Variants in CSMD3 observed in about 807,000 individuals in gnomAD.
CSMD3 encodes CUB and Sushi multiple domains 3, also known as CUB and sushi domain-containing protein 3.
In CSMD3, 177 loss-of-function variants were observed where a neutral mutation model predicts 435.2. That is an observed-to-expected ratio of 0.41 (90% CI 0.36 to 0.46). CSMD3 has a LOEUF of 0.46. Ranked by LOEUF, CSMD3 falls within the 20% of genes least tolerant of loss-of-function variation. The probability of loss-of-function intolerance (pLI) is 0.34; values close to 1 mark genes in which losing one functional copy is unlikely to be tolerated. For missense variants in CSMD3, 4,265 were observed against 4,504.6 expected, an observed-to-expected ratio of 0.95 and a Z score of 1.52; for synonymous variants, 1,656 against 1,520.5, an observed-to-expected ratio of 1.09 and a Z score of -2.07.
At chr8:112,284,002 T>C (rs1050607169) in intron 58 of CSMD3, among the ~76,000 whole-genome samples, 2 of 145,288 alleles carry the variant, frequency 1.4e-5, no homozygotes, top group Admixed American at 1.4e-4. Flanking sequence ...ATATCACATG[T>C]GCCCCATTAA....
chr8:112,894,643 T>C (rs2081898045), intron 10 of CSMD3, among the ~76,000 whole-genome samples: 1 of 151,320 alleles, frequency 6.6e-6, no homozygotes, highest in Non-Finnish European at 1.5e-5. Flanking sequence ...AATTCAATAT[T>C]TTGTTGCTAT....
At chr8:112,444,468 CA>C (rs1465485918) in intron 32 of CSMD3, among the ~76,000 whole-genome samples, 1 of 152,130 alleles carries the variant, frequency 6.6e-6, no homozygotes, top group East Asian at 1.9e-4. Flanking sequence ...ATGTCTATCA[CA>C]AGGACAATAG....
chr8:112,292,649 G>A lies in CSMD3; in HGVS notation c.8676C>T (p.Asn2892=), dbSNP rs1234406489. 1.2e-6 allele frequency: 2 copies of A among 1,613,686 alleles called. No individual in the cohort carries two copies. The highest frequency in any genetic ancestry group is 1.7e-6 in the Non-Finnish European group (2 of 1,179,808). ...IYGRTSGNGF[N]FNDVVTFSCN... ...ATGAGAATGTTACCACATCATTAAA[G>A]TTGAACCCATTTCCACTTGTTCTTC... Residue 2892 remains asparagine, a synonymous_variant, in exon 55 of 71, where the codon AAC becomes AAT. Transcript: ENST00000297405.
intron 47 of CSMD3, 60 bp from the exon 48 acceptor site, chr8:112,314,677 A>G (rs1345663955): frequency 8.7e-7 from 1 of 1,147,472 alleles, no homozygotes; most frequent in Non-Finnish European, 1.3e-6. Flanking sequence ...TGAAAACTGT[A>G]TTTTAGATAC....
intron 1 of CSMD3, among the ~76,000 whole-genome samples, chr8:113,387,637 G>A (rs1160600191): frequency 6.6e-6 from 1 of 151,390 alleles, no homozygotes; most frequent in Non-Finnish European, 1.5e-5. Context: ...TCCAGAAGAA[G>A]CAGAAGAAGG....
At chr8:112,973,084 A>G (rs1242388383) in intron 7 of CSMD3, among the ~76,000 whole-genome samples, 1 of 151,950 alleles carries the variant, frequency 6.6e-6, no homozygotes, top group African/African-American at 2.4e-5. Context: ...CATGCGATGA[A>G]TTTGGAAATA....
At chr8:112,586,901 T>G (rs990513537) in intron 23 of CSMD3, among the ~76,000 whole-genome samples, 165 bp downstream of exon 23, 3 of 151,526 alleles carry the variant, frequency 2.0e-5, no homozygotes, top group Non-Finnish European at 4.4e-5. Context: ...AAAACAATAA[T>G]AGAAAATGAG....
intron 4 of CSMD3, among the ~76,000 whole-genome samples, chr8:113,119,371 A>AG (rs1564336570): frequency 6.6e-6 from 1 of 152,204 alleles, no homozygotes; most frequent in Non-Finnish European, 1.5e-5. Flanking sequence ...CCTATTTTAT[A>AG]GGAGAGAAAA....
At chr8:113,200,760 A>T (rs1448179540) in intron 3 of CSMD3, among the ~76,000 whole-genome samples, 2 of 151,408 alleles carry the variant, frequency 1.3e-5, no homozygotes, top group Non-Finnish European at 3.0e-5. Flanking sequence ...TCACAGCCTC[A>T]AACAGCCTTT....
chr8:112,735,780 T>G (rs2077173621), intron 13 of CSMD3, among the ~76,000 whole-genome samples: 2 of 152,046 alleles, frequency 1.3e-5, no homozygotes, highest in Admixed American at 6.6e-5. Context: ...TCTCACTTTA[T>G]GAAAAGATCT....
At chr8:112,734,027 T>G (rs1027920770) in intron 13 of CSMD3, among the ~76,000 whole-genome samples, 1 of 151,932 alleles carries the variant, frequency 6.6e-6, no homozygotes, top group Admixed American at 6.6e-5. Flanking sequence ...GATGGAAGAC[T>G]GCCAAATTAC....
At chr8:112,379,781 G>A (rs1168882033) in intron 38 of CSMD3, among the ~76,000 whole-genome samples, 1 of 152,144 alleles carries the variant, frequency 6.6e-6, no homozygotes, top group Non-Finnish European at 1.5e-5. Flanking sequence ...CAAAGATACG[G>A]TTACCAAAAC....
At chr8:112,901,583 C>T (rs974000726) in intron 10 of CSMD3, among the ~76,000 whole-genome samples, 63 of 151,272 alleles carry the variant, frequency 4.2e-4, no homozygotes, top group African/African-American at 1.4e-3. Flanking sequence ...CCTCCATAAA[C>T]GGAGAATAAA....
At chr8:112,796,939 A>G (rs141814621) in intron 13 of CSMD3, among the ~76,000 whole-genome samples, 73 of 152,134 alleles carry the variant, frequency 4.8e-4, no homozygotes, top group Middle Eastern at 3.4e-3. Flanking sequence ...TAATCAGCAC[A>G]CTGTCATGAA....
At chr8:112,370,082 A>AGT (rs1828230176) in intron 38 of CSMD3, among the ~76,000 whole-genome samples, 1 of 103,448 alleles carries the variant, frequency 9.7e-6, no homozygotes, top group Admixed American at 9.7e-5. Flanking sequence ...GAAGAAGAAG[A>AGT]AGTAGTAGTA....
intron 3 of CSMD3, among the ~76,000 whole-genome samples, chr8:113,234,816 C>T (rs1425365980): frequency 3.9e-5 from 6 of 152,168 alleles, no homozygotes; most frequent in Admixed American, 3.3e-4. Context: ...CCAGTGTGAC[C>T]TCAAGTTCAG....
intron 1 of CSMD3, among the ~76,000 whole-genome samples, chr8:113,360,674 C>A (rs1400268826): frequency 2.0e-5 from 3 of 150,078 alleles, no homozygotes; most frequent in Non-Finnish European, 4.4e-5. Context: ...CCCGGGTTCA[C>A]GCCATTCTCC....
intron 3 of CSMD3, among the ~76,000 whole-genome samples, chr8:113,212,905 AT>A (rs1474736515): frequency 4.6e-5 from 6 of 129,044 alleles, no homozygotes; most frequent in East Asian, 2.1e-4. Context: ...ATATATATAT[AT>A]TAAAAAAAAA....
At chr8:112,242,517 T>TTA (rs1487958122) in intron 65 of CSMD3, among the ~76,000 whole-genome samples, 1 of 152,012 alleles carries the variant, frequency 6.6e-6, no homozygotes, top group African/African-American at 2.4e-5. Context: ...GTAGAGATAA[T>TTA]ACTGAGTTAG....
Sources: allele counts gnomAD v4.1 joint callset (sites outside exome capture counted in the v4.1 genomes callset), GRCh38; gene constraint gnomAD v4.1.1; transcripts MANE v1.5; gene names NCBI Gene and HGNC (gene_info 2026-07-23, HGNC 2026-07-21).